Variants in PTMS observed in about 807,000 individuals in gnomAD.
The protein encoded by PTMS is parathymosin.
Under a neutral mutation model 18.4 loss-of-function variants are expected in PTMS, and 5 were observed. The observed-to-expected ratio is 0.27, with a 90% confidence interval of 0.14 to 0.57. PTMS has a LOEUF of 0.57. Among genes scored for constraint, PTMS ranks in the 20% least tolerant of loss-of-function variants. PTMS has a pLI of 0.92. For missense variants in PTMS, 93 were observed against 124.6 expected (o/e 0.75, Z 1.21); for synonymous variants, 53 against 47.7 (o/e 1.11, Z -0.46).
intron 1 of PTMS, 40 bp from the exon 2 acceptor site, chr12:6,769,563 C>T: frequency 6.2e-7 from 1 of 1,609,222 alleles, no homozygotes; most frequent in Non-Finnish European, 8.5e-7. Context: ...GGGCTGCAAG[C>T]CATTTGTGGT....
rs1430320665 is a variant in PTMS at position 6,770,866 on chromosome 12, C to T, written c.*424C>T. On this transcript the variant is annotated 3_prime_UTR_variant, in exon 5 of 5. Transcript: ENST00000309083. This position sits in a 1 kb window ranked among gnomAD's most constrained non-coding sequence, Gnocchi z 7.3. ...AGACAGCGCCAGGCCGGGGTGGGGCCGGGGTTGGGGCCGAGCCCCACAGCT... is the reference window on the plus strand; with the variant it reads ...AGACAGCGCCAGGCCGGGGTGGGGCTGGGGTTGGGGCCGAGCCCCACAGCT... 3 of 183,018 alleles carry T rather than the reference C, an allele frequency of 1.6e-5. No individual in the cohort carries two copies. Among genetic ancestry groups the T allele is most frequent in the Admixed American group, 5.6e-5 (1 of 17,972 alleles). The allele number at this position is 183,018 out of a possible 1,614,324, so 11.3% of individuals were successfully genotyped here.
Position 6,770,085 on chromosome 12 carries a change from G to A in PTMS, c.197-72G>A. On this transcript the variant is annotated intron_variant, in intron 3 of 4. Coordinates refer to ENST00000309083, the MANE Select transcript of PTMS (RefSeq NM_002824.6). This position sits in a 1 kb window ranked among gnomAD's most constrained non-coding sequence, Gnocchi z 7.3. ...GGGTGGGTTTGAAGACCTGAAGCAG[G>A]GCTGAGGGCGACCACGGGGGCTCTG... 2 of 1,608,546 alleles carry A rather than the reference G, an allele frequency of 1.2e-6. No homozygotes were observed. Among genetic ancestry groups the A allele is most frequent in the Non-Finnish European group, 1.7e-6 (2 of 1,177,590 alleles).
chr12:6,766,785 G>A, intron 1 of PTMS, 35 bp downstream of exon 1: 2 of 1,053,442 alleles, frequency 1.9e-6, no homozygotes, highest in Non-Finnish European at 2.3e-6. Flanking sequence ...CGGACCTCGC[G>A]CAGCCCTGGG....
chr12:6,770,332 G>C lies in PTMS; in HGVS notation c.259-60G>C. The C allele has an allele frequency of 1.9e-6, 3 of 1,608,492 alleles. No homozygotes were observed. The highest frequency in any genetic ancestry group is 1.7e-5 in the Admixed American group (1 of 60,012). Reference sequence around the variant, plus strand: ...CAGGGGTGGGGGCTGGAACAGGACCGGGACAGGGGGAGGTCTCCCCTCCCA... The same window carrying C: ...CAGGGGTGGGGGCTGGAACAGGACCCGGACAGGGGGAGGTCTCCCCTCCCA... On this transcript the variant is annotated intron_variant, in intron 4 of 4. Coordinates refer to ENST00000309083, the MANE Select transcript of PTMS (RefSeq NM_002824.6). This position sits in a 1 kb window ranked among gnomAD's most constrained non-coding sequence, Gnocchi z 7.3.
rs1046957910 is a variant in PTMS, at chr12:6,770,539, C to T, written c.*97C>T. ...GCCACTCTTCACCTGGCTCCCTGCTCTGGGCCCTGCACCAGAGCTGCCACC... is the reference window on the plus strand; with the variant it reads ...GCCACTCTTCACCTGGCTCCCTGCTTTGGGCCCTGCACCAGAGCTGCCACC... On this transcript the variant is annotated 3_prime_UTR_variant, in exon 5 of 5. Coordinates refer to ENST00000309083, the MANE Select transcript of PTMS (RefSeq NM_002824.6). This position sits in a 1 kb window ranked among gnomAD's most constrained non-coding sequence, Gnocchi z 7.3. 6 of 1,416,900 alleles carry T rather than the reference C, an allele frequency of 4.2e-6. No individual in the cohort carries two copies. In the South Asian group the frequency reaches 6.9e-5, roughly 16 times the overall value. 87.8% of individuals were successfully genotyped at this position (1,416,900 alleles called of 1,614,324 possible). A position where few individuals can be genotyped will look rare whatever the true frequency, so the allele number is the denominator to read the frequency against.
chr12:6,766,878 C>G, intron 1 of PTMS, 128 bp downstream of exon 1: 1 of 507,992 alleles, frequency 2.0e-6, no homozygotes, highest in Non-Finnish European at 2.6e-6. Flanking sequence ...CCCCACTGCG[C>G]CCTCCCACCG....
chr12:6,766,672 G>A lies in PTMS; in HGVS notation c.-34G>A, dbSNP rs1941769610. On this transcript the variant is annotated 5_prime_UTR_variant, in exon 1 of 5. Transcript: ENST00000309083. The stretch of plus-strand genomic sequence containing the variant: ...CCTCCGTCTCGGCCCCGGGACCCCG[G>A]CTCCCCGCCAGCCCCGGCCCCGGCC... 9.0e-7 allele frequency: 1 copy of A among 1,114,630 alleles called. No individual in the cohort carries two copies. The highest frequency in any genetic ancestry group is 1.1e-6 in the Non-Finnish European group (1 of 908,314). The allele number at this position is 1,114,630 out of a possible 1,614,324, so 69.0% of individuals were successfully genotyped here.
chr12:6,767,224 C>G (rs1179077113), intron 1 of PTMS: 1 of 152,046 alleles, frequency 6.6e-6, no homozygotes, highest in Non-Finnish European at 1.5e-5. Flanking sequence ...TCCCCGCGGC[C>G]CGACCGTCGC....
rs376664978 is a variant in PTMS at position 6,770,134 on chromosome 12, A to G, written c.197-23A>G. ...TGCCAGAGCTTCCTGCCCTTCCCCA[A>G]TGACCCATTTCTGGCTCCTCAGATG... On this transcript the variant is annotated intron_variant, in intron 3 of 4. Transcript: ENST00000309083. This position sits in a 1 kb window ranked among gnomAD's most constrained non-coding sequence, Gnocchi z 7.3. 5.5e-5 allele frequency: 88 copies of G among 1,613,708 alleles called. No homozygotes were observed. The highest frequency in any genetic ancestry group is 6.3e-5 in the Non-Finnish European group (74 of 1,179,932).
In PTMS at chr12:6,769,990, G is replaced by A. The variant is rs1463449825; in HGVS notation, c.187G>A (p.Glu63Lys). ...GGATGGAGAGGAGGAAGATGAAGGG[G>A]AAGAAGAAGGTGGGGAGGGGCAGGG... ...AEDGEEEDEG[E>K]EEDEEEEEED... Residue 63 changes from glutamate (E) to lysine (K), a missense_variant, in exon 3 of 5, where the codon GAA becomes AAA. Physicochemically the swap from Glu to Lys is moderately conservative, Grantham distance 56 (BLOSUM62 1). Coordinates refer to ENST00000309083, the MANE Select transcript of PTMS (RefSeq NM_002824.6). The A allele has an allele frequency of 6.4e-7, 1 of 1,555,032 alleles. No homozygotes were observed. Among genetic ancestry groups the A allele is most frequent in the Non-Finnish European group, 8.7e-7 (1 of 1,148,636 alleles).
In PTMS at chr12:6,770,617, C is replaced by T. The variant is rs1007982032; in HGVS notation, c.*175C>T. The T allele has an allele frequency of 2.4e-5, 17 of 712,788 alleles. No homozygotes were observed. Among genetic ancestry groups the T allele is most frequent in the Non-Finnish European group, 3.5e-5 (15 of 422,784 alleles). 44.2% of individuals were successfully genotyped at this position (712,788 alleles called of 1,614,324 possible). ...TCCGCCTCTCCAGACACTGCGCCCT[C>T]CACCCTCACTCTGCCATTGTTCCAC... On this transcript the variant is annotated 3_prime_UTR_variant, in exon 5 of 5. Transcript: ENST00000309083. The surrounding 1 kb of genome is among the most constrained non-coding windows in gnomAD (Gnocchi z 7.3).
rs765311392 is a variant in PTMS, at chr12:6,770,028, G to A, written c.196+29G>A. 6.4e-7 allele frequency: 1 copy of A among 1,565,364 alleles called. No individual in the cohort carries two copies. The highest frequency in any genetic ancestry group is 8.7e-7 in the Non-Finnish European group (1 of 1,155,406). On this transcript the variant is annotated intron_variant, in intron 3 of 4. Transcript: ENST00000309083. This position sits in a 1 kb window ranked among gnomAD's most constrained non-coding sequence, Gnocchi z 7.3. ...GGGAGGGGCAGGGGAGGCTGGGCTG[G>A]CAAAGTCTGGGCTCAAAGGAGAGCA...
chr12:6,766,613 T>G lies in PTMS; in HGVS notation c.-93T>G. 4 of 708,806 alleles carry G rather than the reference T, an allele frequency of 5.6e-6. No homozygotes were observed. Among genetic ancestry groups the G allele is most frequent in the Non-Finnish European group, 7.1e-6 (4 of 562,518 alleles). The allele number at this position is 708,806 out of a possible 1,614,324, so 43.9% of individuals were successfully genotyped here. On this transcript the variant is annotated 5_prime_UTR_variant, in exon 1 of 5. Transcript: ENST00000309083. ...CCGCCGCCGCCGCCACCGCGCCAGG[T>G]TCCGGCCGCGGCCACCCTCCGCCGT...
chr12:6,766,854 C>G, intron 1 of PTMS, 104 bp downstream of exon 1: 1 of 740,002 alleles, frequency 1.4e-6, no homozygotes, highest in Non-Finnish European at 1.7e-6. Context: ...CCCTTGCGCC[C>G]GGGTCCTGGC....
chr12:6,769,760 G>T, intron 2 of PTMS, 86 bp downstream of exon 2: 1 of 1,601,880 alleles, frequency 6.2e-7, no homozygotes, highest in South Asian at 1.1e-5. Context: ...TCCTTCCGAG[G>T]GTGCTGGGTC....
Position 6,766,530 on chromosome 12 carries a change from G to A in PTMS, c.-176G>A. 5.5e-6 allele frequency: 1 copy of A among 182,666 alleles called. No individual in the cohort carries two copies. Among genetic ancestry groups the A allele is most frequent in the South Asian group, 5.4e-5 (1 of 18,400 alleles). The allele number at this position is 182,666 out of a possible 1,614,324, so 11.3% of individuals were successfully genotyped here. ...GACCCACCCCCGCCCCACCCCGCGC[G>A]CCTCTGCCGCCTCTTCCAGAGACCC... is the stretch of plus-strand genomic sequence containing the variant. On this transcript the variant is annotated 5_prime_UTR_variant, in exon 1 of 5. Coordinates refer to ENST00000309083, the MANE Select transcript of PTMS (RefSeq NM_002824.6).
chr12:6,770,776 G>A lies in PTMS; in HGVS notation c.*334G>A. ...TCCCACCTAACCTCTGCATCCCCCA[G>A]CCTCATGTCCTGCCCCATCCCTATC... On this transcript the variant is annotated 3_prime_UTR_variant, in exon 5 of 5. Transcript: ENST00000309083. The surrounding 1 kb of genome is among the most constrained non-coding windows in gnomAD (Gnocchi z 7.3). The A allele has an allele frequency of 9.6e-6, 4 of 417,162 alleles. No homozygotes were observed. The highest frequency in any genetic ancestry group is 1.8e-5 in the Non-Finnish European group (4 of 222,600). 25.8% of individuals were successfully genotyped at this position (417,162 alleles called of 1,614,324 possible). A position where few individuals can be genotyped will look rare whatever the true frequency, so the allele number is the denominator to read the frequency against.
rs776851113 is a variant in PTMS at position 6,770,188 on chromosome 12, G to T, written c.228G>T (p.Gly76=). The change falls in exon 4 of 5, where the codon GGG becomes GGT. Residue 76 remains glycine, a synonymous_variant. Coordinates refer to ENST00000309083, the MANE Select transcript of PTMS (RefSeq NM_002824.6). The surrounding 1 kb of genome is among the most constrained non-coding windows in gnomAD (Gnocchi z 7.3). ...DEEEEEEDDE[G]PALKRAAEEE... ...AAGAAGAAGAAGAGGATGATGAAGG[G>T]CCCGCGCTGAAGAGAGCTGCCGAAG... The T allele has an allele frequency of 1.2e-6, 2 of 1,614,156 alleles. No homozygotes were observed. Among genetic ancestry groups the T allele is most frequent in the South Asian group, 1.1e-5 (1 of 91,084 alleles).
Position 6,766,760 on chromosome 12 carries a change from G to A in PTMS, c.45+10G>A. 2.8e-6 allele frequency: 3 copies of A among 1,071,616 alleles called. No homozygotes were observed. Among genetic ancestry groups the A allele is most frequent in the Non-Finnish European group, 3.4e-6 (3 of 887,050 alleles). 66.4% of individuals were successfully genotyped at this position (1,071,616 alleles called of 1,614,324 possible). On this transcript the variant is annotated intron_variant, in intron 1 of 4. Transcript: ENST00000309083. The stretch of plus-strand genomic sequence containing the variant: ...CGAGTTGAGCGCCAAGGTACGGGCG[G>A]GGGCGGCGGCGGCCCGGACCTCGCG...
Sources: gnomAD v4.1 joint callset for allele counts on GRCh38, gnomAD v4.1.1 for gene constraint, Gnocchi (gnomAD v3.1) non-coding constraint, MANE v1.5 for transcripts, NCBI Gene and HGNC (gene_info 2026-07-23, HGNC 2026-07-21) for gene names.